Variants in HCRTR2 observed in about 807,000 individuals in gnomAD.
HCRTR2 encodes orexin receptor type 2.
In HCRTR2, 22 loss-of-function variants were observed where a neutral mutation model predicts 49.0. The observed-to-expected ratio is 0.45, with a 90% confidence interval of 0.32 to 0.64. The LOEUF (loss-of-function observed/expected upper bound fraction) is 0.64. Among genes scored for constraint, HCRTR2 ranks in the 30% least tolerant of loss-of-function variants. The pLI is 0.04. For synonymous variants in HCRTR2, 236 were observed against 205.3 expected (o/e 1.15, Z -1.28); for missense variants, 491 against 559.4 (o/e 0.88, Z 1.23).
intron 1 of HCRTR2, among the ~76,000 whole-genome samples, chr6:55,237,528 C>T (rs1766236409): frequency 6.6e-6 from 1 of 152,180 alleles, no homozygotes; most frequent in African/African-American, 2.4e-5. Context: ...TCCGGCTCAG[C>T]ATCTCATATT....
At chr6:55,275,044 T>G (rs1466045555) in intron 4 of HCRTR2, among the ~76,000 whole-genome samples, 3 of 152,176 alleles carry the variant, frequency 2.0e-5, no homozygotes, top group Non-Finnish European at 4.4e-5. Flanking sequence ...GTCCATTTCA[T>G]GTAAGTTGGC....
chr6:55,158,548 T>C (rs1764761569), intron 1 of HCRTR2, among the ~76,000 whole-genome samples: 1 of 152,150 alleles, frequency 6.6e-6, no homozygotes, highest in African/African-American at 2.4e-5. Context: ...TAAGCTAAGA[T>C]CCACTGGCTT....
At chr6:55,219,944 G>A (rs1203971937) in intron 1 of HCRTR2, among the ~76,000 whole-genome samples, 2 of 151,948 alleles carry the variant, frequency 1.3e-5, no homozygotes, top group Non-Finnish European at 2.9e-5. Flanking sequence ...GGATAACCTA[G>A]AAGAAATGTA....
intron 1 of HCRTR2, among the ~76,000 whole-genome samples, chr6:55,213,297 T>A (rs1242660900): frequency 6.6e-6 from 1 of 152,178 alleles, no homozygotes; most frequent in African/African-American, 2.4e-5. Context: ...CAATCTACCT[T>A]GTGGCATCTT....
intron 1 of HCRTR2, among the ~76,000 whole-genome samples, chr6:55,201,560 A>G (rs938602913): frequency 2.0e-5 from 3 of 152,194 alleles, no homozygotes; most frequent in African/African-American, 4.8e-5. Flanking sequence ...TTGCTCATTT[A>G]TAAATATGTT....
chr6:55,206,777 T>G (rs552643630), intron 1 of HCRTR2, among the ~76,000 whole-genome samples: 1 of 152,164 alleles, frequency 6.6e-6, no homozygotes, highest in African/African-American at 2.4e-5. Context: ...TTTCAGAAAC[T>G]TCTTAACATG....
At chr6:55,199,585 TA>T (rs1231617854) in intron 1 of HCRTR2, among the ~76,000 whole-genome samples, 1 of 152,170 alleles carries the variant, frequency 6.6e-6, no homozygotes, top group Non-Finnish European at 1.5e-5. Flanking sequence ...TTCTATGCAT[TA>T]CAAAAATAGC....
chr6:55,258,351 C>G (rs972255539), intron 3 of HCRTR2, among the ~76,000 whole-genome samples: 17 of 152,110 alleles, frequency 1.1e-4, no homozygotes, highest in African/African-American at 4.1e-4. Context: ...TTTGGAAAAG[C>G]AATTTGGTCA....
intron 3 of HCRTR2, among the ~76,000 whole-genome samples, chr6:55,260,812 T>C (rs983970987): frequency 7.9e-5 from 12 of 152,302 alleles, no homozygotes; most frequent in African/African-American, 2.9e-4. Flanking sequence ...TCAATAAATA[T>C]TATCTATTAT....
In HCRTR2 at chr6:55,174,787, T is replaced by C; in HGVS notation, c.200T>C (p.Val67Ala). The C allele has an allele frequency of 1.9e-6, 3 of 1,614,062 alleles. No homozygotes were observed. The highest frequency in any genetic ancestry group is 1.7e-5 in the Admixed American group (1 of 60,024). ...LIAGYIIVFV[V>A]ALIGNVLVCV... ...GCCGGGTACATCATCGTGTTCGTCG[T>C]GGCTCTCATTGGGAACGTCCTGGGT... The change falls in exon 1 of 7, where the codon GTG (valine) becomes GCG (alanine). Residue 67 changes from valine (V) to alanine (A), a missense_variant. Coordinates refer to ENST00000370862, the MANE Select transcript of HCRTR2 (RefSeq NM_001384272.1).
chr6:55,166,484 A>AAC (rs1764879290), intron 1 of HCRTR2, among the ~76,000 whole-genome samples: 1 of 152,084 alleles, frequency 6.6e-6, no homozygotes, highest in African/African-American at 2.4e-5. Flanking sequence ...AGAGACTTAA[A>AAC]ACACACACAA....
At chr6:55,188,586 A>G (rs1765264443) in intron 1 of HCRTR2, among the ~76,000 whole-genome samples, 1 of 152,214 alleles carries the variant, frequency 6.6e-6, no homozygotes, top group Non-Finnish European at 1.5e-5. Context: ...TCTAGGGCTT[A>G]TCTAATTTGG....
At chr6:55,159,275 A>AAAACAG (rs891750788) in intron 1 of HCRTR2, among the ~76,000 whole-genome samples, 1 of 151,042 alleles carries the variant, frequency 6.6e-6, no homozygotes, top group Non-Finnish European at 1.5e-5. Flanking sequence ...CAAAAAAACA[A>AAAACAG]AAACAAAAAC....
At chr6:55,248,422 G>A (rs1468313284) in intron 1 of HCRTR2, among the ~76,000 whole-genome samples, 1 of 151,628 alleles carries the variant, frequency 6.6e-6, no homozygotes, top group African/African-American at 2.4e-5. Flanking sequence ...ACAGCCTTAT[G>A]ATTTATTGAG....
rs201306344 is a variant in HCRTR2 at position 55,248,601 on chromosome 6, C to T, written c.224-38C>T. The T allele has an allele frequency of 3.8e-5, 58 of 1,536,500 alleles. No homozygotes were observed. In the East Asian group the frequency reaches 8.1e-4, roughly 21 times the overall value. On this transcript the variant is annotated intron_variant, in intron 1 of 6. Coordinates refer to ENST00000370862, the MANE Select transcript of HCRTR2 (RefSeq NM_001384272.1). ...GTGTTTCCTCACCAATACCTATTTT[C>T]TTTGTTGAGTGCCTATTCCTTTTTC...
At chr6:55,127,289 A>G (rs1764295059) in intron 1 of HCRTR2, among the ~76,000 whole-genome samples, 1 of 152,034 alleles carries the variant, frequency 6.6e-6, no homozygotes, top group African/African-American at 2.4e-5. Flanking sequence ...TTGGTTCCTC[A>G]GGCTCAGTTC....
intron 4 of HCRTR2, among the ~76,000 whole-genome samples, chr6:55,266,381 G>A (rs1455856555): frequency 6.6e-6 from 1 of 152,126 alleles, no homozygotes; most frequent in Non-Finnish European, 1.5e-5. Flanking sequence ...AGAACAAAGT[G>A]AGTAGAATAG....
intron 3 of HCRTR2, among the ~76,000 whole-genome samples, chr6:55,261,395 CT>C (rs977263768): frequency 7.0e-4 from 105 of 149,282 alleles, no homozygotes; most frequent in Middle Eastern, 6.9e-3. Flanking sequence ...TGCAATACCA[CT>C]TTTTTTTTTA....
At chr6:55,176,402 A>G (rs1337569569) in intron 1 of HCRTR2, among the ~76,000 whole-genome samples, 1 of 152,200 alleles carries the variant, frequency 6.6e-6, no homozygotes, top group Non-Finnish European at 1.5e-5. Context: ...TCTGTTGATA[A>G]TAATCCTAAT....
Sources: gnomAD v4.1 joint callset for allele counts (sites outside exome capture counted in the v4.1 genomes callset) on GRCh38, gnomAD v4.1.1 for gene constraint, MANE v1.5 for transcripts, NCBI Gene and HGNC (gene_info 2026-07-23, HGNC 2026-07-21) for gene names.